USP45: variants seen among roughly 807,000 people sequenced by gnomAD.
USP45 encodes the protein ubiquitin specific peptidase 45, also known as ubiquitin carboxyl-terminal hydrolase 45.
A neutral mutation model predicts 95.8 loss-of-function variants in USP45; 89 were observed. That is an observed-to-expected ratio of 0.93 (90% CI 0.78 to 1.11). The LOEUF is 1.11. Ranked by LOEUF, USP45 falls within the 50% of genes least tolerant of loss-of-function variation. The probability of loss-of-function intolerance (pLI) is 0.00; values close to 1 mark genes in which losing one functional copy is unlikely to be tolerated. For synonymous variants in USP45, 281 were observed against 316.2 expected (o/e 0.89, Z 1.18); for missense variants, 898 against 942.5 (o/e 0.95, Z 0.62).
Position 99,482,843 on chromosome 6 carries a change from G to T in USP45, c.755C>A (p.Thr252Asn). Residue 252 changes from threonine to asparagine, a missense_variant, in exon 8 of 18, where the codon ACC becomes AAC. By Grantham distance (65) the Thr-to-Asn change is moderately conservative (BLOSUM62 0). Coordinates refer to ENST00000500704, the MANE Select transcript of USP45 (RefSeq NM_001346022.3). ...VVELSRPGPLTSALFLFLHSM... is the reference protein window; with the variant it reads ...VVELSRPGPLNSALFLFLHSM... ...GTGAAGAAACAGGAACAAGGCTGAG[G>T]TCAGTGGTCCAGGCCTTGAAAGTTC... 6.2e-7 allele frequency: 1 copy of T among 1,600,670 alleles called. No homozygotes were observed. The highest frequency in any genetic ancestry group is 8.5e-7 in the Non-Finnish European group (1 of 1,173,220).
rs371934180 is a variant in USP45, at chr6:99,507,439, T to C, written c.366A>G (p.Thr122=). 3.7e-6 allele frequency: 6 copies of C among 1,601,892 alleles called. No individual in the cohort carries two copies. The East Asian group carries it at 6.7e-5, about 18-fold the overall frequency. The change falls in exon 4 of 18, where the codon ACA becomes ACG. Residue 122 remains threonine, a synonymous_variant. Coordinates refer to ENST00000500704, the MANE Select transcript of USP45 (RefSeq NM_001346022.3). ...EPHCIIINLS[T]WIIWCYECDE... ...AAAATTTAACTTACCATATAATCCATGTGCTCAGATTAATTATAATACAAT... is the reference window on the plus strand; with the variant it reads ...AAAATTTAACTTACCATATAATCCACGTGCTCAGATTAATTATAATACAAT...
At chr6:99,444,576 T>G (rs1782126840) in intron 14 of USP45, among the ~76,000 whole-genome samples, 1 of 152,104 alleles carries the variant, frequency 6.6e-6, no homozygotes, top group Admixed American at 6.6e-5. Flanking sequence ...ACAACCTCCT[T>G]CACTGGGCTC....
chr6:99,456,308 T>C (rs1785082559), intron 13 of USP45, among the ~76,000 whole-genome samples: 1 of 123,522 alleles, frequency 8.1e-6, no homozygotes, highest in Admixed American at 8.9e-5. Flanking sequence ...TAGAACAGTA[T>C]GGTAACTACA....
At chr6:99,445,255 C>A (rs771169030) in intron 14 of USP45, among the ~76,000 whole-genome samples, 1 of 152,016 alleles carries the variant, frequency 6.6e-6, no homozygotes. Flanking sequence ...GAGGCCAAGG[C>A]GGGTGGATCA....
At chr6:99,493,780 C>G (rs929111710) in intron 5 of USP45, among the ~76,000 whole-genome samples, 54 of 152,172 alleles carry the variant, frequency 3.5e-4, no homozygotes, top group African/African-American at 1.3e-3. Context: ...ATTACAGGCA[C>G]GAGCCACTGC....
chr6:99,497,796 C>A (rs1324315079), intron 5 of USP45, among the ~76,000 whole-genome samples: 10 of 152,124 alleles, frequency 6.6e-5, no homozygotes. Flanking sequence ...CAAGTCTCAC[C>A]TCTCACCATC....
intron 7 of USP45, among the ~76,000 whole-genome samples, chr6:99,484,509 C>T (rs1185214527): frequency 6.6e-6 from 1 of 151,984 alleles, no homozygotes; most frequent in African/African-American, 2.4e-5. Flanking sequence ...GTCAAAAGTG[C>T]TTTTCTGGGC....
At chr6:99,489,404 A>G (rs1040732343) in intron 5 of USP45, among the ~76,000 whole-genome samples, 2 of 152,216 alleles carry the variant, frequency 1.3e-5, no homozygotes, top group Non-Finnish European at 2.9e-5. Context: ...GAGAAAAAGT[A>G]GGGAAGAGAC....
Position 99,484,625 on chromosome 6 carries a change from C to G in USP45, c.715-1742G>C, listed in dbSNP as rs186942847. On this transcript the variant is annotated intron_variant, in intron 7 of 17. Coordinates refer to ENST00000500704, the MANE Select transcript of USP45 (RefSeq NM_001346022.3). ...CCCGCTTGGGCAACATAGGGAGACT[C>G]CGTCTCTGCAAAAAAAATTTAAAAA... is the stretch of plus-strand genomic sequence containing the variant. Among the ~76,000 whole-genome samples, 61 of 152,044 alleles carry G rather than the reference C, an allele frequency of 4.0e-4. 1 individual carries two copies. The highest frequency in any genetic ancestry group is 4.0e-3 in the Admixed American group (61 of 15,280).
intron 9 of USP45, among the ~76,000 whole-genome samples, chr6:99,472,723 C>T (rs569916882): frequency 6.6e-6 from 1 of 152,268 alleles, no homozygotes; most frequent in East Asian, 1.9e-4. Context: ...TACCCCTCAA[C>T]AAGAAGAGCA....
Position 99,443,558 on chromosome 6 carries a change from A to G in USP45, c.2073+7T>C. The G allele has an allele frequency of 6.3e-7, 1 of 1,598,114 alleles. No homozygotes were observed. Among genetic ancestry groups the G allele is most frequent in the Non-Finnish European group, 8.5e-7 (1 of 1,170,588 alleles). Reference sequence around the variant, plus strand: ...ATGAAAATTATGGTGCTACTGAAGAAACTTACCTGATGAAATCTTTTCAGG... The same window carrying G: ...ATGAAAATTATGGTGCTACTGAAGAGACTTACCTGATGAAATCTTTTCAGG... On this transcript the variant is annotated splice_region_variant and intron_variant, in intron 15 of 17. Transcript: ENST00000500704.
chr6:99,467,780 TTACAA>T (rs1788370427), intron 10 of USP45, among the ~76,000 whole-genome samples: 1 of 152,046 alleles, frequency 6.6e-6, no homozygotes, highest in Non-Finnish European at 1.5e-5. Context: ...GAACCCTTAA[TTACAA>T]TAAAGTGCAC....
At chr6:99,471,930 C>A (rs1454929430) in intron 9 of USP45, among the ~76,000 whole-genome samples, 5 of 152,326 alleles carry the variant, frequency 3.3e-5, no homozygotes, top group Non-Finnish European at 7.3e-5. Flanking sequence ...AATAGATCCA[C>A]AGACTTGACA....
At chr6:99,455,912 A>C (rs1395165141) in intron 13 of USP45, among the ~76,000 whole-genome samples, 4 of 147,524 alleles carry the variant, frequency 2.7e-5, no homozygotes, top group Non-Finnish European at 4.5e-5. Context: ...AGGCGGGTGG[A>C]TCATGAGGTC....
At chr6:99,436,346 G>GT (rs1247470701) in intron 17 of USP45, among the ~76,000 whole-genome samples, 1 of 152,154 alleles carries the variant, frequency 6.6e-6, no homozygotes, top group Non-Finnish European at 1.5e-5. Context: ...GAGGTCAGGA[G>GT]TTTGAGACCA....
chr6:99,443,720 A>G, intron 14 of USP45, 58 bp from the exon 15 acceptor site: 2 of 1,129,566 alleles, frequency 1.8e-6, no homozygotes, highest in Non-Finnish European at 2.5e-6. Flanking sequence ...TATCTACCAT[A>G]TAATAAAAAT....
At chr6:99,465,588 C>A (rs1352267346) in intron 11 of USP45, among the ~76,000 whole-genome samples, 1 of 152,074 alleles carries the variant, frequency 6.6e-6, no homozygotes, top group Admixed American at 6.5e-5. Context: ...AGAGAGAAAA[C>A]AACTTCTGTG....
Position 99,461,149 on chromosome 6 carries a change from A to G in USP45, c.1308+3455T>C, listed in dbSNP as rs1479259698. On this transcript the variant is annotated intron_variant, in intron 13 of 17. Coordinates refer to ENST00000500704, the MANE Select transcript of USP45 (RefSeq NM_001346022.3). ...TAAAACTAATATACTTATGTGTTGA[A>G]GCAACTCAGAGAACTGAACTTTTGG... is the stretch of plus-strand genomic sequence containing the variant. 5 of 984,672 alleles carry G rather than the reference A, an allele frequency of 5.1e-6. No homozygotes were observed. The East Asian group carries it at 4.5e-4, about 89-fold the overall frequency. 61.0% of individuals were successfully genotyped at this position (984,672 alleles called of 1,614,324 possible). A position where few individuals can be genotyped will look rare whatever the true frequency, so the allele number is the denominator to read the frequency against.
chr6:99,506,801 C>CT (rs1039556209), intron 4 of USP45, among the ~76,000 whole-genome samples: 2 of 152,164 alleles, frequency 1.3e-5, no homozygotes, highest in African/African-American at 2.4e-5. Context: ...GACCTGACTG[C>CT]TTGAAGTATC....
Sources: gnomAD v4.1 joint callset for allele counts (sites outside exome capture counted in the v4.1 genomes callset) on GRCh38, gnomAD v4.1.1 for gene constraint, MANE v1.5 for transcripts, NCBI Gene and HGNC (gene_info 2026-07-23, HGNC 2026-07-21) for gene names.